Variants in RAB28 observed in about 807,000 individuals in gnomAD.
The protein encoded by RAB28 is ras-related protein Rab-28.
In RAB28, 24 loss-of-function variants were observed where a neutral mutation model predicts 31.7. That is an observed-to-expected ratio of 0.76 (90% CI 0.55 to 1.06). The LOEUF is 1.06. Among genes scored for constraint, RAB28 ranks in the 50% least tolerant of loss-of-function variants. The pLI is 0.00. For missense variants in RAB28, 254 were observed against 258.5 expected, an observed-to-expected ratio of 0.98 and a Z score of 0.12; for synonymous variants, 100 against 90.4, an observed-to-expected ratio of 1.11 and a Z score of -0.60.
At chr4:13,473,677 T>C (rs939365691) in intron 3 of RAB28, 6 of 235,500 alleles carry the variant, frequency 2.5e-5, no homozygotes, top group Non-Finnish European at 4.3e-5. Flanking sequence ...ATTATATCAG[T>C]ATAAGCTCAT....
chr4:13,398,564 G>A (rs867685091), intron 4 of RAB28, among the ~76,000 whole-genome samples: 24 of 152,238 alleles, frequency 1.6e-4, no homozygotes, highest in Middle Eastern at 6.8e-3. Context: ...GGATCACGAG[G>A]TCAGGAGATA....
intron 4 of RAB28, among the ~76,000 whole-genome samples, chr4:13,449,907 T>C (rs1714876721): frequency 6.6e-6 from 1 of 151,854 alleles, no homozygotes; most frequent in South Asian, 2.1e-4. Context: ...ACTGAGAATG[T>C]TAGCTAGTCA....
chr4:13,478,161 T>C lies in RAB28; in HGVS notation c.172+1269A>G, dbSNP rs938905150. 2.6e-5 allele frequency among the ~76,000 whole-genome samples: 4 copies of C among 151,608 alleles called. No homozygotes were observed. The East Asian group carries it at 7.7e-4, about 29-fold the overall frequency. ...GTATGTATTCAGCTAGTGACTGCTG[T>C]TAAGTATTCTGAATGCAGCATAGAT... On this transcript the variant is annotated intron_variant, in intron 2 of 6. Transcript: ENST00000330852.
intron 4 of RAB28, among the ~76,000 whole-genome samples, chr4:13,436,259 A>G (rs1714100518): frequency 1.3e-5 from 2 of 152,130 alleles, no homozygotes; most frequent in African/African-American, 4.8e-5. Flanking sequence ...CACACTAAAC[A>G]GGCAAAACTG....
chr4:13,429,373 T>G (rs1425633918), intron 4 of RAB28, among the ~76,000 whole-genome samples: 2 of 152,280 alleles, frequency 1.3e-5, no homozygotes, highest in African/African-American at 4.8e-5. Context: ...TCTTATATAT[T>G]GAAAATCTTG....
chr4:13,459,760 A>G, intron 4 of RAB28: 10 of 1,104,286 alleles, frequency 9.1e-6, no homozygotes, highest in Non-Finnish European at 1.1e-5. Context: ...GCAAGAAACA[A>G]TGCATATAAA....
chr4:13,454,160 A>C (rs1274277378), intron 4 of RAB28, among the ~76,000 whole-genome samples: 1 of 152,026 alleles, frequency 6.6e-6, no homozygotes, highest in African/African-American at 2.4e-5. Context: ...TCATTAATTA[A>C]ATTCTTCAGC....
At chr4:13,390,101 A>G (rs1010739751) in intron 4 of RAB28, among the ~76,000 whole-genome samples, 11 of 152,158 alleles carry the variant, frequency 7.2e-5, no homozygotes, top group African/African-American at 2.2e-4. Flanking sequence ...AAATTAGGAA[A>G]AGAGGAAGTC....
chr4:13,404,532 A>G (rs2108903250), intron 4 of RAB28, among the ~76,000 whole-genome samples: 1 of 152,302 alleles, frequency 6.6e-6, no homozygotes, highest in Non-Finnish European at 1.5e-5. Flanking sequence ...ACAAATTTTT[A>G]TAAAAATATA....
At chr4:13,442,070 T>C (rs1383535265) in intron 4 of RAB28, among the ~76,000 whole-genome samples, 1 of 152,236 alleles carries the variant, frequency 6.6e-6, no homozygotes, top group African/African-American at 2.4e-5. Context: ...AACTATGTTA[T>C]ACATAAAACA....
intron 4 of RAB28, among the ~76,000 whole-genome samples, chr4:13,421,358 C>A (rs1045547975): frequency 5.3e-5 from 8 of 152,146 alleles, no homozygotes; most frequent in Non-Finnish European, 8.8e-5. Context: ...TCAATGCCAT[C>A]CCCATCAAGC....
chr4:13,379,139 G>A (rs554101296), intron 5 of RAB28, among the ~76,000 whole-genome samples: 1 of 150,872 alleles, frequency 6.6e-6, no homozygotes, highest in Non-Finnish European at 1.5e-5. Flanking sequence ...CCAGGAGGCG[G>A]AGGCTGCAGT....
rs576279919 is a variant in RAB28 at position 13,399,239 on chromosome 4, G to A, written c.392-17645C>T. 4.6e-5 allele frequency among the ~76,000 whole-genome samples: 7 copies of A among 152,176 alleles called. No individual in the cohort carries two copies. The East Asian group carries it at 1.2e-3, about 25-fold the overall frequency. On this transcript the variant is annotated intron_variant, in intron 4 of 6. Coordinates refer to ENST00000330852, the MANE Select transcript of RAB28 (RefSeq NM_001017979.3). ...CATCTGCGTCTGGCATTTTTCGTGC[G>A]TATTGTTTCATCCATGTCATCCCAA...
intron 4 of RAB28, among the ~76,000 whole-genome samples, chr4:13,432,736 C>T (rs968387890): frequency 1.3e-5 from 2 of 152,076 alleles, no homozygotes; most frequent in African/African-American, 4.8e-5. Context: ...CAAGTAAACA[C>T]TAAGACAATT....
chr4:13,389,057 G>A lies in RAB28; in HGVS notation c.392-7463C>T, dbSNP rs147305896. ...ATAGCTAAGAGGTGGAAGTAATCCAGATGTTCACTGATGAATGACTGGATA... is the reference window on the plus strand; with the variant it reads ...ATAGCTAAGAGGTGGAAGTAATCCAAATGTTCACTGATGAATGACTGGATA... On this transcript the variant is annotated intron_variant, in intron 4 of 6. Coordinates refer to ENST00000330852, the MANE Select transcript of RAB28 (RefSeq NM_001017979.3). Among the ~76,000 whole-genome samples, 697 of 152,198 alleles carry A rather than the reference G, an allele frequency of 4.6e-3. 6 individuals are homozygous for A. The highest frequency in any genetic ancestry group is 0.016 in the African/African-American group (664 of 41,550).
intron 4 of RAB28, among the ~76,000 whole-genome samples, chr4:13,446,607 A>T (rs1453786894): frequency 6.6e-6 from 1 of 152,056 alleles, no homozygotes; most frequent in Non-Finnish European, 1.5e-5. Flanking sequence ...GGGGAGGGGG[A>T]TCCCGGCTCC....
At chr4:13,432,959 GAC>G (rs60548283) in intron 4 of RAB28, among the ~76,000 whole-genome samples, 8,436 of 149,960 alleles carry the variant, frequency 0.056, 539 homozygotes, top group African/African-American at 0.16. Flanking sequence ...CTATGTAAAA[GAC>G]ACAGAGTGGC....
At chr4:13,398,004 G>C (rs527432726) in intron 4 of RAB28, among the ~76,000 whole-genome samples, 1 of 151,602 alleles carries the variant, frequency 6.6e-6, no homozygotes, top group African/African-American at 2.4e-5. Flanking sequence ...AGCAGACAGA[G>C]GAGGGAGCAA....
rs763977164 is a variant in RAB28 at position 13,381,482 on chromosome 4, T to C, written c.495+9A>G. Reference sequence around the variant, plus strand: ...AAACATCACATACAGTATTCATTATTTTACTTACAGAGTCTCCTGTCTTGG... The same window carrying C: ...AAACATCACATACAGTATTCATTATCTTACTTACAGAGTCTCCTGTCTTGG... On this transcript the variant is annotated intron_variant, in intron 5 of 6. Transcript: ENST00000330852. The C allele has an allele frequency of 1.3e-6, 2 of 1,575,824 alleles. No homozygotes were observed. The highest frequency in any genetic ancestry group is 1.7e-6 in the Non-Finnish European group (2 of 1,146,728).
Sources: gnomAD v4.1 joint callset for allele counts (sites outside exome capture counted in the v4.1 genomes callset) on GRCh38, gnomAD v4.1.1 for gene constraint, MANE v1.5 for transcripts, NCBI Gene and HGNC (gene_info 2026-07-23, HGNC 2026-07-21) for gene names.